Variants in RIC1 observed in about 807,000 individuals in gnomAD.
RIC1 encodes the protein guanine nucleotide exchange factor subunit RIC1.
RIC1 carries 88 observed loss-of-function variants against 169.0 expected under a neutral mutation model. The observed-to-expected ratio is 0.52, with a 90% CI of 0.44 to 0.62. The LOEUF (loss-of-function observed/expected upper bound fraction) is 0.62. Among genes scored for constraint, RIC1 ranks in the 20% least tolerant of loss-of-function variants. The pLI, the probability that RIC1 is intolerant of heterozygous loss-of-function variation, is 0.00. For missense variants in RIC1, 1,877 were observed against 1,725.5 expected, an observed-to-expected ratio of 1.09 and a Z score of -1.56; for synonymous variants, 790 against 601.5, an observed-to-expected ratio of 1.31 and a Z score of -4.59.
chr9:5,662,289 CT>C (rs971195600), intron 2 of RIC1, among the ~76,000 whole-genome samples: 144 of 151,010 alleles, frequency 9.5e-4, no homozygotes, highest in African/African-American at 3.3e-3. Flanking sequence ...CTGAGGTTTT[CT>C]TTTTTTTTGT....
chr9:5,683,853 C>T (rs560052215), intron 2 of RIC1, among the ~76,000 whole-genome samples: 2 of 152,308 alleles, frequency 1.3e-5, no homozygotes, highest in East Asian at 3.9e-4. Context: ...GGCGGGCGCC[C>T]CTCCCCCAGC....
At position 5,637,967 on chromosome 9, in the gene RIC1, T is replaced by C. The variant is rs186688630; in HGVS notation, c.144+8514T>C. On this transcript the variant is annotated intron_variant, in intron 1 of 25. Coordinates refer to ENST00000414202, the MANE Select transcript of RIC1 (RefSeq NM_020829.4). The stretch of plus-strand genomic sequence containing the variant: ...GCTTTCGGTTTTTACATACTCAGTA[T>C]GATACTAGCTATGGGTCTGTTATAT... Among the ~76,000 whole-genome samples the C allele has an allele frequency of 3.9e-5, 6 of 152,356 alleles. No individual in the cohort carries two copies. In the East Asian group the frequency reaches 5.8e-4, roughly 15 times the overall value.
At chr9:5,721,765 G>C (rs1201423863) in intron 6 of RIC1, among the ~76,000 whole-genome samples, 1 of 151,932 alleles carries the variant, frequency 6.6e-6, no homozygotes, top group East Asian at 1.9e-4. Flanking sequence ...TGATTGCCTT[G>C]TTCTTTACAT....
In RIC1 at chr9:5,697,854, T is replaced by A. The variant is rs560996743; in HGVS notation, c.332+7816T>A. On this transcript the variant is annotated intron_variant, in intron 3 of 25. Coordinates refer to ENST00000414202, the MANE Select transcript of RIC1 (RefSeq NM_020829.4). ...CACTGCTACTGAAGATGCTAATGAA[T>A]AATTGTTTAAAGTTAATGGCAATAT... 6.6e-5 allele frequency among the ~76,000 whole-genome samples: 10 copies of A among 152,340 alleles called. No individual in the cohort carries two copies. In the South Asian group the frequency reaches 2.1e-3, roughly 32 times the overall value.
chr9:5,674,827 C>T (rs1028583275), intron 2 of RIC1, among the ~76,000 whole-genome samples: 1 of 152,320 alleles, frequency 6.6e-6, no homozygotes, highest in South Asian at 2.1e-4. Context: ...AGGCACAGAT[C>T]ACAGACTGTC....
chr9:5,664,205 C>T (rs778720545), intron 2 of RIC1, among the ~76,000 whole-genome samples: 1 of 151,980 alleles, frequency 6.6e-6, no homozygotes, highest in African/African-American at 2.4e-5. Context: ...GTCAAGAGAT[C>T]GACACCATCC....
intron 2 of RIC1, among the ~76,000 whole-genome samples, chr9:5,663,975 A>G (rs1197832949): frequency 6.6e-6 from 1 of 152,134 alleles, no homozygotes; most frequent in Admixed American, 6.5e-5. Flanking sequence ...TGCTTCCTTC[A>G]GGAGCTCTTG....
intron 2 of RIC1, among the ~76,000 whole-genome samples, chr9:5,669,299 C>T (rs990709291): frequency 1.3e-5 from 2 of 152,176 alleles, no homozygotes; most frequent in African/African-American, 4.8e-5. Context: ...ACCCTTTTCC[C>T]TGAGTCCCCA....
At position 5,662,191 on chromosome 9, in the gene RIC1, A is replaced by G. The variant is rs146872236; in HGVS notation, c.252+5501A>G. On this transcript the variant is annotated intron_variant, in intron 2 of 25. Coordinates refer to ENST00000414202, the MANE Select transcript of RIC1 (RefSeq NM_020829.4). ...TTCCGGGGATGAAGTCTACTTGGACATGATGGATAAACTTTTTGATGGGCT... is the reference window on the plus strand; with the variant it reads ...TTCCGGGGATGAAGTCTACTTGGACGTGATGGATAAACTTTTTGATGGGCT... Among the ~76,000 whole-genome samples the G allele has an allele frequency of 6.6e-5, 10 of 152,308 alleles. No homozygotes were observed. The East Asian group carries it at 9.6e-4, about 15-fold the overall frequency.
At chr9:5,718,634 A>G (rs57860830) in intron 4 of RIC1, among the ~76,000 whole-genome samples, 3,474 of 152,336 alleles carry the variant, frequency 0.023, 140 homozygotes, top group African/African-American at 0.079. Context: ...ACATATTTTC[A>G]TAGCATATAG....
chr9:5,706,654 T>C (rs1224879820), intron 3 of RIC1, among the ~76,000 whole-genome samples: 2 of 152,218 alleles, frequency 1.3e-5, no homozygotes, highest in African/African-American at 4.8e-5. Flanking sequence ...TCATATGTTT[T>C]ATTTCCTCGA....
At chr9:5,674,135 A>G (rs1820292195) in intron 2 of RIC1, among the ~76,000 whole-genome samples, 1 of 152,158 alleles carries the variant, frequency 6.6e-6, no homozygotes, top group East Asian at 1.9e-4. Context: ...CCTGGAAAAG[A>G]CATAAGGACT....
Position 5,772,944 on chromosome 9 carries a change from A to T in RIC1, c.3847A>T (p.Ile1283Leu), listed in dbSNP as rs1487198019. The T allele has an allele frequency of 6.2e-7, 1 of 1,613,726 alleles. No individual in the cohort carries two copies. The highest frequency in any genetic ancestry group is 1.3e-5 in the African/African-American group (1 of 74,888). ...AGGGTGCCTAGACTGGTGCATCGTT[A>T]TAGGCCTGATTCTTAGAGAATCCTC... ...EAGCLDWCIVIGLILRESSII... is the reference protein window; with the variant it reads ...EAGCLDWCIVLGLILRESSII... The change falls in exon 25 of 26, where the codon ATA becomes TTA. Residue 1283 changes from isoleucine (I) to leucine (L), a missense_variant. Ile to Leu is a conservative substitution (Grantham distance 5). Coordinates refer to ENST00000414202, the MANE Select transcript of RIC1 (RefSeq NM_020829.4).
intron 4 of RIC1, among the ~76,000 whole-genome samples, chr9:5,715,748 G>C (rs963870331): frequency 6.6e-6 from 1 of 152,058 alleles, no homozygotes; most frequent in African/African-American, 2.4e-5. Flanking sequence ...GATAGAGAAT[G>C]TTTAGAAGGT....
At chr9:5,654,268 T>G (rs565136640) in intron 1 of RIC1, among the ~76,000 whole-genome samples, 1 of 151,654 alleles carries the variant, frequency 6.6e-6, no homozygotes, top group Non-Finnish European at 1.5e-5. Flanking sequence ...TTTTTGGAGG[T>G]AGAGTCTCAC....
At chr9:5,699,571 T>C (rs184579157) in intron 3 of RIC1, among the ~76,000 whole-genome samples, 25 of 152,344 alleles carry the variant, frequency 1.6e-4, no homozygotes, top group Admixed American at 3.3e-4. Flanking sequence ...TATAAAACTT[T>C]CTAGAGAGAC....
Position 5,659,913 on chromosome 9 carries a change from G to A in RIC1, c.252+3223G>A, listed in dbSNP as rs184685151. Among the ~76,000 whole-genome samples the A allele has an allele frequency of 2.2e-3, 342 of 152,148 alleles. 1 individual carries two copies. Among genetic ancestry groups the A allele is most frequent in the African/African-American group, 7.9e-3 (328 of 41,514 alleles). ...GTTGCATAGGTAAACATGTGCTATG[G>A]TGGTTTCCTTGCACAGATTATGCCA... On this transcript the variant is annotated intron_variant, in intron 2 of 25. Coordinates refer to ENST00000414202, the MANE Select transcript of RIC1 (RefSeq NM_020829.4).
chr9:5,688,491 ATTTGATTTGAAGCCATTTTCCT>A, intron 2 of RIC1, among the ~76,000 whole-genome samples: 1 of 152,160 alleles, frequency 6.6e-6, no homozygotes, highest in Middle Eastern at 3.4e-3. Context: ...CTTTGTTATG[ATTTGATTTGAAGCCATTTTCCT>A]TTTGCTTCCA....
intron 14 of RIC1, among the ~76,000 whole-genome samples, chr9:5,754,427 A>G (rs1454866135): frequency 1.3e-5 from 2 of 152,144 alleles, no homozygotes; most frequent in African/African-American, 4.8e-5. Flanking sequence ...GAGTAAGAGC[A>G]GAAATAATTT....
Sources: allele counts gnomAD v4.1 joint callset (sites outside exome capture counted in the v4.1 genomes callset), GRCh38; gene constraint gnomAD v4.1.1; transcripts MANE v1.5; gene names NCBI Gene and HGNC (gene_info 2026-07-23, HGNC 2026-07-21).